Variants in PCOLCE2 observed in about 807,000 individuals in gnomAD.
PCOLCE2 encodes the protein procollagen C-proteinase enhancer 2.
Under a neutral mutation model 47.0 loss-of-function variants are expected in PCOLCE2, and 42 were observed. That is an observed-to-expected ratio of 0.89 (90% CI 0.70 to 1.16). The LOEUF (loss-of-function observed/expected upper bound fraction) is 1.16, where lower values mean the gene tolerates loss of function less well. Ranked by LOEUF, PCOLCE2 falls within the 50% of genes most tolerant of loss-of-function variation. The pLI is 0.00. For missense variants in PCOLCE2, 500 were observed against 526.1 expected (o/e 0.95, Z 0.49); for synonymous variants, 169 against 191.7 (o/e 0.88, Z 0.98).
In PCOLCE2 at chr3:142,842,166, G is replaced by A. The variant is rs1485289117; in HGVS notation, c.573+758C>T. Reference sequence around the variant, plus strand: ...GAGATAATGTGGCTTGCTTTTGTTGGCTTTGTTGAGGCAAAGCATCCACAC... The same window carrying A: ...GAGATAATGTGGCTTGCTTTTGTTGACTTTGTTGAGGCAAAGCATCCACAC... On this transcript the variant is annotated intron_variant, in intron 4 of 8. Coordinates refer to ENST00000295992, the MANE Select transcript of PCOLCE2 (RefSeq NM_013363.4). The surrounding 1 kb of genome is among the most constrained non-coding windows in gnomAD (Gnocchi z 4.1). Among the ~76,000 whole-genome samples the A allele has an allele frequency of 6.6e-6, 1 of 152,114 alleles. No individual in the cohort carries two copies. The highest frequency in any genetic ancestry group is 1.5e-5 in the Non-Finnish European group (1 of 68,036).
At chr3:142,888,234 C>G (rs1181167126) in intron 1 of PCOLCE2, among the ~76,000 whole-genome samples, 4 of 152,182 alleles carry the variant, frequency 2.6e-5, no homozygotes, top group Non-Finnish European at 5.9e-5. Context: ...AAATCACTCG[C>G]CATTGGCAGA....
At chr3:142,827,410 G>T in intron 6 of PCOLCE2, 1 of 1,568,606 alleles carries the variant, frequency 6.4e-7, no homozygotes, top group Non-Finnish European at 8.8e-7. Context: ...CCTTCTTGGA[G>T]CCAGAGGGCA....
intron 2 of PCOLCE2, among the ~76,000 whole-genome samples, chr3:142,866,945 G>A (rs1307714929): frequency 4.6e-5 from 7 of 152,326 alleles, no homozygotes; most frequent in East Asian, 1.9e-4. Context: ...TTGTTGCCGC[G>A]TGTGCAGGTA....
At chr3:142,868,743 C>T (rs192694465) in intron 2 of PCOLCE2, among the ~76,000 whole-genome samples, 135 of 152,328 alleles carry the variant, frequency 8.9e-4, no homozygotes, top group African/African-American at 3.2e-3. Flanking sequence ...AACGACACAG[C>T]AGCAGGGGCC....
At chr3:142,849,475 T>C (rs1208196749) in intron 2 of PCOLCE2, among the ~76,000 whole-genome samples, 1 of 152,196 alleles carries the variant, frequency 6.6e-6, no homozygotes, top group Non-Finnish European at 1.5e-5. Context: ...TATCATAATA[T>C]TTTATTCATC....
intron 2 of PCOLCE2, among the ~76,000 whole-genome samples, chr3:142,852,398 AAAAAAAAT>A (rs1392357285): frequency 1.3e-5 from 2 of 152,062 alleles, no homozygotes; most frequent in East Asian, 3.8e-4. Context: ...TTAAGAATAG[AAAAAAAAT>A]AAAAAAATAA....
chr3:142,856,342 C>T (rs993629435), intron 2 of PCOLCE2, among the ~76,000 whole-genome samples: 1 of 152,188 alleles, frequency 6.6e-6, no homozygotes, highest in African/African-American at 2.4e-5. Context: ...GAGTTATCAC[C>T]GCTGAGTCCT....
chr3:142,877,959 G>T (rs1310032269), intron 2 of PCOLCE2, among the ~76,000 whole-genome samples: 1 of 152,160 alleles, frequency 6.6e-6, no homozygotes, highest in African/African-American at 2.4e-5. Flanking sequence ...ATTTGGAGGA[G>T]CTCAACTGTA....
intron 6 of PCOLCE2, among the ~76,000 whole-genome samples, chr3:142,825,430 G>C (rs578209738): frequency 6.6e-6 from 1 of 151,974 alleles, no homozygotes; most frequent in Non-Finnish European, 1.5e-5. Flanking sequence ...CTGTGTTCCC[G>C]CGATCGTTTC....
At chr3:142,830,410 T>A (rs1002262807) in intron 5 of PCOLCE2, among the ~76,000 whole-genome samples, 3 of 152,246 alleles carry the variant, frequency 2.0e-5, no homozygotes, top group African/African-American at 7.2e-5. Context: ...CTCAGTGGAC[T>A]GATTATCTTT....
Position 142,827,651 on chromosome 3 carries a change from G to A in PCOLCE2, c.865+2041C>T, listed in dbSNP as rs537549859. On this transcript the variant is annotated intron_variant, in intron 6 of 8. Transcript: ENST00000295992. ...GCCCTCGGCAGCAATGAAAAGCTCCGTCCGCTTCTTAAACCAGTACGGGTC... is the reference window on the plus strand; with the variant it reads ...GCCCTCGGCAGCAATGAAAAGCTCCATCCGCTTCTTAAACCAGTACGGGTC... 1.8e-5 allele frequency: 26 copies of A among 1,456,478 alleles called. No homozygotes were observed. In the East Asian group the frequency reaches 4.1e-4, roughly 23 times the overall value. The allele number at this position is 1,456,478 out of a possible 1,614,324, so 90.2% of individuals were successfully genotyped here.
intron 5 of PCOLCE2, among the ~76,000 whole-genome samples, chr3:142,830,155 G>C (rs1223718449): frequency 1.3e-5 from 2 of 152,194 alleles, no homozygotes; most frequent in Non-Finnish European, 2.9e-5. Context: ...CCTATAGCTA[G>C]TATGTTGGGA....
chr3:142,838,249 G>A (rs1055311863), intron 5 of PCOLCE2, among the ~76,000 whole-genome samples: 26 of 152,064 alleles, frequency 1.7e-4, no homozygotes, highest in Non-Finnish European at 8.8e-5. Context: ...CTGACTCCAT[G>A]GTTATGGGAC....
intron 6 of PCOLCE2, among the ~76,000 whole-genome samples, chr3:142,824,826 C>G (rs1937056056): frequency 2.0e-5 from 3 of 151,986 alleles, no homozygotes; most frequent in Admixed American, 6.6e-5. Context: ...TTTCATTTCG[C>G]CATGTTGGCC....
intron 5 of PCOLCE2, among the ~76,000 whole-genome samples, chr3:142,837,406 T>C (rs936668318): frequency 6.6e-6 from 1 of 152,210 alleles, no homozygotes; most frequent in Non-Finnish European, 1.5e-5. Context: ...AATTTGGGTA[T>C]GGTTATGCTT....
intron 2 of PCOLCE2, among the ~76,000 whole-genome samples, chr3:142,854,205 G>A (rs1158112582): frequency 1.1e-5 from 1 of 87,046 alleles, no homozygotes; most frequent in Non-Finnish European, 2.7e-5. Flanking sequence ...TGTTTTTGCA[G>A]CACGTGATTT....
chr3:142,827,706 T>C (rs879202337), intron 6 of PCOLCE2: 2 of 1,019,260 alleles, frequency 2.0e-6, no homozygotes, highest in East Asian at 2.4e-5. Flanking sequence ...AGGGGCGCGC[T>C]GTGACCCGAG....
intron 5 of PCOLCE2, 101 bp downstream of exon 5, chr3:142,838,669 A>G (rs1353770203): frequency 1.3e-5 from 14 of 1,065,670 alleles, no homozygotes; most frequent in Non-Finnish European, 1.7e-5. Flanking sequence ...CAAAACAACA[A>G]CAACATAAAA....
chr3:142,826,379 G>A (rs1190552480), intron 6 of PCOLCE2, among the ~76,000 whole-genome samples: 1 of 152,128 alleles, frequency 6.6e-6, no homozygotes, highest in Non-Finnish European at 1.5e-5. Flanking sequence ...AAACCTCCAA[G>A]TCATCTTTAT....
Sources: allele counts gnomAD v4.1 joint callset (sites outside exome capture counted in the v4.1 genomes callset), GRCh38; gene constraint gnomAD v4.1.1; non-coding constraint Gnocchi (gnomAD v3.1); transcripts MANE v1.5; gene names NCBI Gene and HGNC (gene_info 2026-07-23, HGNC 2026-07-21).